Variants in KCTD14 observed in about 807,000 individuals in gnomAD.
The protein encoded by KCTD14 is BTB/POZ domain-containing protein KCTD14.
In KCTD14, 7 loss-of-function variants were observed where a neutral mutation model predicts 5.9. The observed-to-expected ratio is 1.19, with a 90% confidence interval of 0.68 to 2.23. The LOEUF (loss-of-function observed/expected upper bound fraction) is 2.23. Ranked by LOEUF, KCTD14 falls within the 30% of genes most tolerant of loss-of-function variation. The probability of loss-of-function intolerance (pLI) is 0.00; values close to 1 mark genes in which losing one functional copy is unlikely to be tolerated. For synonymous variants in KCTD14, 140 were observed against 133.1 expected, an observed-to-expected ratio of 1.05 and a Z score of -0.36; for missense variants, 342 against 332.2, an observed-to-expected ratio of 1.03 and a Z score of -0.23.
intron 2 of KCTD14, among the ~76,000 whole-genome samples, chr11:78,035,084 G>A (rs1674240708): frequency 6.6e-6 from 1 of 152,128 alleles, no homozygotes; most frequent in African/African-American, 2.4e-5. Context: ...TTAGGTGACC[G>A]AGGGTTTTTC....
chr11:78,034,749 G>C (rs192965316), intron 2 of KCTD14, among the ~76,000 whole-genome samples: 51 of 152,158 alleles, frequency 3.4e-4, no homozygotes, highest in South Asian at 8.3e-4. Context: ...CCAAGCAGGG[G>C]ACCCTGCTCA....
chr11:78,033,450 G>A (rs1346923117), intron 2 of KCTD14, among the ~76,000 whole-genome samples: 2 of 152,120 alleles, frequency 1.3e-5, no homozygotes, highest in Non-Finnish European at 2.9e-5. Flanking sequence ...GGGAGGCCGA[G>A]GAGGGCAGAT....
At chr11:78,031,303 C>T (rs939276211) in intron 2 of KCTD14, among the ~76,000 whole-genome samples, 8 of 152,034 alleles carry the variant, frequency 5.3e-5, no homozygotes, top group African/African-American at 1.7e-4. Flanking sequence ...CTACCTTGGC[C>T]TCCCAAAGTA....
intron 1 of KCTD14, among the ~76,000 whole-genome samples, chr11:78,018,110 T>TAAC (rs1187494547): frequency 6.6e-6 from 1 of 151,610 alleles, no homozygotes; most frequent in East Asian, 2.0e-4. Context: ...AAACCAACAA[T>TAAC]AACAACAACA....
intron 1 of KCTD14, among the ~76,000 whole-genome samples, chr11:78,019,427 C>T (rs956158558): frequency 4.6e-5 from 7 of 151,898 alleles, no homozygotes; most frequent in African/African-American, 1.7e-4. Context: ...AGTCATCCTC[C>T]TGCCTCAGCC....
intron 2 of KCTD14, among the ~76,000 whole-genome samples, chr11:78,034,898 C>A (rs4331134): frequency 0.48 from 72,351 of 151,880 alleles, 17,819 homozygotes; most frequent in African/African-American, 0.61. Context: ...GGCTTTGCTT[C>A]GGGGGCCACC....
Position 78,017,124 on chromosome 11 carries a change from G to A in KCTD14, c.237C>T (p.Ile79=), listed in dbSNP as rs775807284. 1.5e-5 allele frequency: 25 copies of A among 1,614,066 alleles called. No individual in the cohort carries two copies. The highest frequency in any genetic ancestry group is 1.9e-5 in the Non-Finnish European group (23 of 1,180,044). The change falls in exon 2 of 2, where the codon ATC becomes ATT. Residue 79 remains isoleucine (I), a synonymous_variant. Coordinates refer to ENST00000353172, the MANE Select transcript of KCTD14 (RefSeq NM_023930.4). The part of the protein sequence containing the change: ...ASTDAEGRFF[I]DRPSTYFRPI... The stretch of plus-strand genomic sequence containing the variant: ...GTCTGAAATAGGTGCTGGGGCGGTC[G>A]ATGAAGAAGCGGCCCTCCGCGTCCG...
intron 1 of KCTD14, among the ~76,000 whole-genome samples, chr11:78,041,129 C>G (rs768676268): frequency 3.3e-5 from 5 of 152,176 alleles, no homozygotes; most frequent in Non-Finnish European, 7.3e-5. Context: ...ATTAGAGGCT[C>G]TATCACCCCA....
At chr11:78,030,867 G>A (rs998569623) in intron 2 of KCTD14, among the ~76,000 whole-genome samples, 4 of 152,016 alleles carry the variant, frequency 2.6e-5, no homozygotes, top group Non-Finnish European at 5.9e-5. Flanking sequence ...CTGCAGAGAA[G>A]GAGACCCCTG....
At chr11:78,023,359 G>C (rs1857360372), upstream of KCTD14, 3 of 1,013,636 alleles carry the variant, frequency 3.0e-6, no homozygotes, top group Admixed American at 6.5e-5. Context: ...AGTGAGACTG[G>C]GCCAAGTGCA....
upstream of KCTD14, among the ~76,000 whole-genome samples, chr11:78,025,158 A>T (rs1293812123): frequency 1.5e-5 from 2 of 133,936 alleles, no homozygotes; most frequent in African/African-American, 5.5e-5. Flanking sequence ...ATATATATAA[A>T]GGGGAGTTTA....
intron 1 of KCTD14, among the ~76,000 whole-genome samples, chr11:78,017,664 C>G (rs984020681): frequency 6.6e-6 from 1 of 152,074 alleles, no homozygotes; most frequent in Non-Finnish European, 1.5e-5. Context: ...AGTCTGGTCT[C>G]AAACTCCTGA....
chr11:78,036,110 G>C (rs535879466), intron 2 of KCTD14, among the ~76,000 whole-genome samples: 11 of 152,058 alleles, frequency 7.2e-5, no homozygotes, highest in Non-Finnish European at 1.6e-4. Context: ...ATTGAGCAGA[G>C]ATTGCACCAC....
chr11:78,032,070 T>C (rs979384113), intron 2 of KCTD14, among the ~76,000 whole-genome samples: 3 of 152,186 alleles, frequency 2.0e-5, no homozygotes, highest in African/African-American at 7.2e-5. Flanking sequence ...TATTCTTCAG[T>C]TCAAAAATGG....
At chr11:78,032,686 C>T (rs1857660305) in intron 2 of KCTD14, among the ~76,000 whole-genome samples, 1 of 144,952 alleles carries the variant, frequency 6.9e-6, no homozygotes, top group Admixed American at 7.1e-5. Flanking sequence ...TCTGGGAGAA[C>T]ATAAAGTGAT....
intron 1 of KCTD14, among the ~76,000 whole-genome samples, chr11:78,039,454 C>G (rs1316109261): frequency 6.6e-6 from 1 of 151,632 alleles, no homozygotes; most frequent in Non-Finnish European, 1.5e-5. Context: ...GCTTGAGCCC[C>G]AGTAGTTGAG....
chr11:78,035,212 G>A (rs2136746796), intron 2 of KCTD14, among the ~76,000 whole-genome samples: 1 of 152,248 alleles, frequency 6.6e-6, no homozygotes, highest in East Asian at 1.9e-4. Context: ...ATCCACTCCA[G>A]CCTTTTCTAC....
rs531185817 is a variant in KCTD14, at chr11:78,021,297, CAAAAAAAAAAAA to C, written c.90+1851_90+1862del. 3.2e-3 allele frequency among the ~76,000 whole-genome samples: 270 copies of C among 85,170 alleles called. 3 individuals carry two copies. The highest frequency in any genetic ancestry group is 0.021 in the Middle Eastern group (2 of 96). 55.9% of individuals were successfully genotyped at this position (85,170 alleles called of 152,430 possible). A position where few individuals can be genotyped will look rare whatever the true frequency, so the allele number is the denominator to read the frequency against. On this transcript the variant is annotated intron_variant, in intron 1 of 1. Coordinates refer to ENST00000353172, the MANE Select transcript of KCTD14 (RefSeq NM_023930.4). Reference sequence around the variant, plus strand: ...TAGGTGACAGAGGGAGACCCTGTCTCAAAAAAAAAAAAAAAAAAAAAAAAAAAAAAAAGTTTC... The same window carrying C: ...TAGGTGACAGAGGGAGACCCTGTCTCAAAAAAAAAAAAAAAAAAAAGTTTC...
chr11:78,046,101 T>G, exon 1 of KCTD14: 1 of 985,228 alleles, frequency 1.0e-6, no homozygotes, highest in Non-Finnish European at 1.2e-6. Flanking sequence ...AAGCGAGTGA[T>G]CTGCCGAGAT....
Sources: allele counts gnomAD v4.1 joint callset (sites outside exome capture counted in the v4.1 genomes callset), GRCh38; gene constraint gnomAD v4.1.1; transcripts MANE v1.5; gene names NCBI Gene and HGNC (gene_info 2026-07-23, HGNC 2026-07-21).